Variants in ELK3 observed in about 807,000 individuals in gnomAD.
ELK3 encodes ETS transcription factor ELK3, also known as ETS domain-containing protein Elk-3.
A neutral mutation model predicts 28.9 loss-of-function variants in ELK3; 10 were observed. The observed-to-expected ratio is 0.35, with a 90% CI of 0.21 to 0.59. ELK3 has a LOEUF of 0.59. Ranked by LOEUF, ELK3 falls within the 20% of genes least tolerant of loss-of-function variation. ELK3 has a pLI of 0.82. For synonymous variants in ELK3, 272 were observed against 243.5 expected (o/e 1.12, Z -1.09); for missense variants, 463 against 517.3 (o/e 0.90, Z 1.02).
At chr12:96,208,362 T>C (rs1242024795) in intron 1 of ELK3, among the ~76,000 whole-genome samples, 1 of 152,178 alleles carries the variant, frequency 6.6e-6, no homozygotes, top group African/African-American at 2.4e-5. Flanking sequence ...AGAGGGCAGG[T>C]TTTTTTAGTG....
intron 1 of ELK3, chr12:96,198,231 TC>T (rs1951484985): frequency 6.6e-6 from 1 of 152,298 alleles, no homozygotes; most frequent in Non-Finnish European, 1.5e-5. Flanking sequence ...GACCTGGACT[TC>T]CTCATGAAAC....
At chr12:96,258,779 T>A (rs569372920) in intron 3 of ELK3, among the ~76,000 whole-genome samples, 1 of 152,238 alleles carries the variant, frequency 6.6e-6, no homozygotes, top group Non-Finnish European at 1.5e-5. Flanking sequence ...TCCTTGGAAC[T>A]CCCCTGGGAA....
chr12:96,247,511 TC>T lies in ELK3; in HGVS notation c.781del (p.Leu261TrpfsTer14). On this transcript the variant is annotated frameshift_variant, in exon 3 of 5. Coordinates refer to ENST00000228741, the MANE Select transcript of ELK3 (RefSeq NM_005230.4). LOFTEE classifies it high-confidence loss of function. This position sits in a 1 kb window ranked among gnomAD's most constrained non-coding sequence, Gnocchi z 5.5. ...CTCCCTTCTGAACACAGAAGCCTCT[TC>T]CTGGAGGCCGCCTGCCATGACTCCG... ...SPLPSEHRSLFLEAACHDSDS... is the reference protein window; with the variant it reads ...SPLPSEHRSLXLEAACHDSDS... The T allele has an allele frequency of 6.2e-7, 1 of 1,613,938 alleles. No individual in the cohort carries two copies. The highest frequency in any genetic ancestry group is 8.5e-7 in the Non-Finnish European group (1 of 1,179,992).
intron 1 of ELK3, among the ~76,000 whole-genome samples, chr12:96,210,867 TTCC>T (rs1951573705): frequency 6.6e-6 from 1 of 152,220 alleles, no homozygotes; most frequent in Non-Finnish European, 1.5e-5. Context: ...CCTGATTTGA[TTCC>T]TAGTAGGAAT....
intron 1 of ELK3, among the ~76,000 whole-genome samples, chr12:96,219,936 C>T (rs776856213): frequency 9.2e-5 from 14 of 152,146 alleles, no homozygotes; most frequent in African/African-American, 1.4e-4. Flanking sequence ...CAGCACGGGG[C>T]GAGGCTGGGC....
In ELK3 at chr12:96,199,533, A is replaced by G. The variant is rs1371107765; in HGVS notation, c.-3+4828A>G. ...GTGTGTGACCTTCTGTGAAATTCTA[A>G]ATGTCTTCAAAAATGGTAGATTACT... On this transcript the variant is annotated intron_variant, in intron 1 of 4. Coordinates refer to ENST00000228741, the MANE Select transcript of ELK3 (RefSeq NM_005230.4). 3.4e-5 allele frequency among the ~76,000 whole-genome samples: 5 copies of G among 147,858 alleles called. No individual in the cohort carries two copies. In the South Asian group the frequency reaches 8.5e-4, roughly 25 times the overall value.
chr12:96,230,832 G>A (rs549665426), intron 2 of ELK3, among the ~76,000 whole-genome samples: 1 of 152,216 alleles, frequency 6.6e-6, no homozygotes, highest in South Asian at 2.1e-4. Flanking sequence ...TGTGGGGAAA[G>A]TCTGGAGGGC....
chr12:96,247,365 C>T lies in ELK3; in HGVS notation c.633C>T (p.Ser211=), dbSNP rs780839884. ...CCACGTCAGAGGCTGCGGCGGCGTC[C>T]GCCTTCCTGGCCTCGTCCGTCTCGG... ...LPSTSEAAAA[S]AFLASSVSAK... is the part of the protein sequence containing the mutation. Residue 211 remains serine, a synonymous_variant, in exon 3 of 5, where the codon TCC becomes TCT. Coordinates refer to ENST00000228741, the MANE Select transcript of ELK3 (RefSeq NM_005230.4). This position sits in a 1 kb window ranked among gnomAD's most constrained non-coding sequence, Gnocchi z 5.5. 3.4e-5 allele frequency: 55 copies of T among 1,614,060 alleles called. No individual in the cohort carries two copies. Among genetic ancestry groups the T allele is most frequent in the Admixed American group, 5.0e-5 (3 of 60,014 alleles).
intron 1 of ELK3, among the ~76,000 whole-genome samples, chr12:96,194,993 C>T (rs1198374485): frequency 2.0e-5 from 3 of 151,386 alleles, no homozygotes; most frequent in Non-Finnish European, 4.4e-5. Context: ...CTCCCTGGGG[C>T]TGCGCTGCGA....
chr12:96,243,380 A>T (rs1404204614), intron 2 of ELK3, among the ~76,000 whole-genome samples: 1 of 152,200 alleles, frequency 6.6e-6, no homozygotes, highest in East Asian at 1.9e-4. Context: ...ATGGAATCAT[A>T]TGTGACCTTT....
At position 96,267,278 on chromosome 12, in the gene ELK3, T is replaced by C. The variant is rs1464615601; in HGVS notation, c.*98T>C. ...TCGTGAGAAGGACATTGTGAAACTC[T>C]TGTTAATTTGGTTTGCACTTTTCAT... On this transcript the variant is annotated 3_prime_UTR_variant, in exon 5 of 5. Coordinates refer to ENST00000228741, the MANE Select transcript of ELK3 (RefSeq NM_005230.4). 2 of 1,044,724 alleles carry C rather than the reference T, an allele frequency of 1.9e-6. No homozygotes were observed. The highest frequency in any genetic ancestry group is 3.2e-5 in the African/African-American group (2 of 61,928). The allele number at this position is 1,044,724 out of a possible 1,614,324, so 64.7% of individuals were successfully genotyped here. A position where few individuals can be genotyped will look rare whatever the true frequency, so the allele number is the denominator to read the frequency against.
At chr12:96,195,875 T>G in intron 1 of ELK3, among the ~76,000 whole-genome samples, 1 of 143,466 alleles carries the variant, frequency 7.0e-6, no homozygotes. Context: ...CCCCCGCCCC[T>G]TCCCCGCCAG....
At chr12:96,220,091 C>A (rs1348755844) in intron 1 of ELK3, among the ~76,000 whole-genome samples, 1 of 152,174 alleles carries the variant, frequency 6.6e-6, no homozygotes, top group Non-Finnish European at 1.5e-5. Context: ...ACTGTGGGGG[C>A]ATTTCTGTGA....
chr12:96,226,043 G>C lies in ELK3; in HGVS notation c.207+2270G>C, dbSNP rs150241500. 7.3e-3 allele frequency among the ~76,000 whole-genome samples: 1,109 copies of C among 152,178 alleles called. 2 individuals are homozygous for C. The highest frequency in any genetic ancestry group is 0.013 in the Non-Finnish European group (885 of 68,002). On this transcript the variant is annotated intron_variant, in intron 2 of 4. Transcript: ENST00000228741. ...GCTACTTGGGAGGCTGAGGTGGGAGGATCATTTGAGCCTGGGAGTTTGAGA... is the reference window on the plus strand; with the variant it reads ...GCTACTTGGGAGGCTGAGGTGGGAGCATCATTTGAGCCTGGGAGTTTGAGA...
intron 2 of ELK3, among the ~76,000 whole-genome samples, chr12:96,234,375 C>T (rs1951765068): frequency 6.6e-6 from 1 of 152,320 alleles, no homozygotes; most frequent in East Asian, 1.9e-4. Context: ...AAGCCCACAC[C>T]GAGTCTGCGT....
chr12:96,210,564 C>CAT (rs1951570083), intron 1 of ELK3, among the ~76,000 whole-genome samples: 1 of 133,464 alleles, frequency 7.5e-6, no homozygotes, highest in Non-Finnish European at 1.6e-5. Flanking sequence ...CGCGGGCGCA[C>CAT]GCACACACAC....
chr12:96,244,005 CAAAAAAAAA>C lies in ELK3; in HGVS notation c.208-2923_208-2915del, dbSNP rs146090608. On this transcript the variant is annotated intron_variant, in intron 2 of 4. Transcript: ENST00000228741. ...TGGACGACAGAGCAAGACTCCATCTCAAAAAAAAAAAAAAAAAAAATCTATGATTCTGTT... is the reference window on the plus strand; with the variant it reads ...TGGACGACAGAGCAAGACTCCATCTCAAAAAAAAAAATCTATGATTCTGTT... Among the ~76,000 whole-genome samples the C allele has an allele frequency of 6.3e-5, 7 of 111,118 alleles. No individual in the cohort carries two copies. The South Asian group carries it at 2.0e-3, about 31-fold the overall frequency. 72.9% of individuals were successfully genotyped at this position (111,118 alleles called of 152,430 possible). A position where few individuals can be genotyped will look rare whatever the true frequency, so the allele number is the denominator to read the frequency against.
rs529746330 is a variant in ELK3 at position 96,241,867 on chromosome 12, C to T, written c.208-5073C>T. On this transcript the variant is annotated intron_variant, in intron 2 of 4. Transcript: ENST00000228741. ...CTGTTTGAAGGGGATGTTGCTTTTT[C>T]CTCTCACTAAAATTGGTCCCATCCT... is the stretch of plus-strand genomic sequence containing the variant. 8.7e-4 allele frequency among the ~76,000 whole-genome samples: 133 copies of T among 152,326 alleles called. 1 individual carries two copies. The Middle Eastern group carries it at 0.01, about 12-fold the overall frequency.
At chr12:96,218,773 C>T (rs1007966436) in intron 1 of ELK3, among the ~76,000 whole-genome samples, 6 of 151,742 alleles carry the variant, frequency 4.0e-5, no homozygotes, top group African/African-American at 1.2e-4. Context: ...CTTAGCCTCC[C>T]GAGTAGCTGG....
Sources: gnomAD v4.1 joint callset for allele counts (sites outside exome capture counted in the v4.1 genomes callset) on GRCh38, gnomAD v4.1.1 for gene constraint, Gnocchi (gnomAD v3.1) non-coding constraint, MANE v1.5 for transcripts, NCBI Gene and HGNC (gene_info 2026-07-23, HGNC 2026-07-21) for gene names.